The following CACNA1E variants were observed in gnomAD, a reference collection of about 807,000 sequenced individuals.
CACNA1E encodes calcium voltage-gated channel subunit alpha1 E, also known as voltage-dependent R-type calcium channel subunit alpha-1E.
CACNA1E carries 40 observed loss-of-function variants against 259.2 expected under a neutral mutation model. The observed-to-expected ratio is 0.15, with a 90% CI of 0.12 to 0.20. The LOEUF is 0.20. Ranked by LOEUF, CACNA1E falls within the 10% of genes least tolerant of loss-of-function variation. CACNA1E has a pLI of 1.00. For synonymous variants in CACNA1E, 1,104 were observed against 1,138.5 expected (o/e 0.97, Z 0.61); for missense variants, 1,874 against 3,040.1 (o/e 0.62, Z 9.02).
intron 1 of CACNA1E, among the ~76,000 whole-genome samples, chr1:181,393,723 G>C (rs1276315247): frequency 6.6e-6 from 1 of 152,220 alleles, no homozygotes; most frequent in Non-Finnish European, 1.5e-5. Flanking sequence ...CTCCCAAAGT[G>C]CTGGGATTAC....
intron 1 of CACNA1E, among the ~76,000 whole-genome samples, chr1:181,333,071 C>G (rs780547205): frequency 8.5e-5 from 13 of 152,144 alleles, no homozygotes; most frequent in Non-Finnish European, 1.6e-4. Context: ...CTAACTGGAT[C>G]TCTCTGAGGA....
At chr1:181,794,820 C>A (rs372366948) in intron 45 of CACNA1E, 44 bp from the exon 46 acceptor site, 44 of 1,546,826 alleles carry the variant, frequency 2.8e-5, no homozygotes, top group Admixed American at 2.7e-4. Flanking sequence ...TCTTTTCAAT[C>A]GTTAATCCAT....
chr1:181,569,428 T>C (rs1650183496), intron 3 of CACNA1E, among the ~76,000 whole-genome samples: 1 of 150,598 alleles, frequency 6.6e-6, no homozygotes, highest in Admixed American at 6.6e-5. Context: ...ATATATTTCC[T>C]TGGTCAAGTT....
chr1:181,548,543 G>A (rs976905569), intron 3 of CACNA1E, among the ~76,000 whole-genome samples: 5 of 152,180 alleles, frequency 3.3e-5, no homozygotes, highest in Non-Finnish European at 7.3e-5. Flanking sequence ...TGTATGGCCC[G>A]TAGGCTGCTT....
intron 7 of CACNA1E, among the ~76,000 whole-genome samples, chr1:181,652,519 T>G (rs1033425195): frequency 2.0e-5 from 3 of 152,066 alleles, no homozygotes; most frequent in African/African-American, 7.2e-5. Flanking sequence ...ATAGAAAAAA[T>G]TGGCAACAGA....
chr1:181,435,252 A>G (rs1031078725), intron 2 of CACNA1E, among the ~76,000 whole-genome samples: 1 of 152,226 alleles, frequency 6.6e-6, no homozygotes, highest in Non-Finnish European at 1.5e-5. Flanking sequence ...CTCTTTGCCT[A>G]TGCTCTGTGA....
intron 2 of CACNA1E, among the ~76,000 whole-genome samples, chr1:181,465,472 C>G (rs1000881728): frequency 1.3e-5 from 2 of 151,912 alleles, no homozygotes; most frequent in Non-Finnish European, 2.9e-5. Context: ...TATTTTGGGT[C>G]TCTTCATTCT....
intron 45 of CACNA1E, 138 bp downstream of exon 45, chr1:181,793,931 C>T (rs1215501928): frequency 1.6e-5 from 15 of 926,596 alleles, no homozygotes; most frequent in South Asian, 3.6e-5. Flanking sequence ...GCTCATGGGT[C>T]GTCTCTAATA....
At chr1:181,461,310 G>T (rs994058404) in intron 2 of CACNA1E, among the ~76,000 whole-genome samples, 1 of 152,086 alleles carries the variant, frequency 6.6e-6, no homozygotes, top group Non-Finnish European at 1.5e-5. Context: ...GGGAGGCCGA[G>T]GCGGGCGGAT....
At chr1:181,388,085 G>A (rs1004709488) in intron 1 of CACNA1E, among the ~76,000 whole-genome samples, 2 of 152,174 alleles carry the variant, frequency 1.3e-5, no homozygotes, top group Non-Finnish European at 2.9e-5. Flanking sequence ...CACCTTGGCC[G>A]ATAGACATTT....
At position 181,598,386 on chromosome 1, in the gene CACNA1E, G is replaced by A. The variant is rs571101072; in HGVS notation, c.951+17610G>A. Among the ~76,000 whole-genome samples the A allele has an allele frequency of 1.2e-3, 186 of 152,284 alleles. 2 individuals carry two copies. The highest frequency in any genetic ancestry group is 2.2e-3 in the Non-Finnish European group (149 of 68,022). ...AGGCAGTGGCGGTGTTCTCTCTGAG[G>A]TAGCCAAGAAAGGCTTCATAGAGAA... On this transcript the variant is annotated intron_variant, in intron 6 of 47. Coordinates refer to ENST00000367573, the MANE Select transcript of CACNA1E (RefSeq NM_001205293.3).
At chr1:181,586,812 G>A (rs1051699041) in intron 6 of CACNA1E, among the ~76,000 whole-genome samples, 3 of 152,224 alleles carry the variant, frequency 2.0e-5, no homozygotes, top group Non-Finnish European at 4.4e-5. Flanking sequence ...CAAGGAAGGT[G>A]AGGGCTAAGA....
At chr1:181,388,372 A>T (rs566364379) in intron 1 of CACNA1E, among the ~76,000 whole-genome samples, 3 of 152,344 alleles carry the variant, frequency 2.0e-5, no homozygotes, top group East Asian at 3.9e-4. Context: ...ATTCTGAGAA[A>T]GGCATCGCTA....
chr1:181,369,022 G>A (rs1654493697), intron 1 of CACNA1E, among the ~76,000 whole-genome samples: 1 of 152,198 alleles, frequency 6.6e-6, no homozygotes. Context: ...CAGGAGGATG[G>A]CTATGCTAGA....
rs1198467071 is a variant in CACNA1E at position 181,724,537 on chromosome 1, G to A, written c.2142G>A (p.Lys714=). 2.5e-6 allele frequency: 4 copies of A among 1,610,424 alleles called. No homozygotes were observed. Among genetic ancestry groups the A allele is most frequent in the Admixed American group, 3.3e-5 (2 of 59,768 alleles). ...DNLANAQELT[K]DEQEEEEAFN... ...TCGCCAACGCCCAGGAACTGACCAA[G>A]GTAAGCATTGTTTTCTGGGGATCTG... is the stretch of plus-strand genomic sequence containing the variant. Residue 714 remains lysine, a splice_region_variant and synonymous_variant, in exon 17 of 48, where the codon AAG becomes AAA. Coordinates refer to ENST00000367573, the MANE Select transcript of CACNA1E (RefSeq NM_001205293.3).
chr1:181,622,116 C>T (rs937451595), intron 6 of CACNA1E, among the ~76,000 whole-genome samples: 6 of 152,218 alleles, frequency 3.9e-5, no homozygotes, highest in African/African-American at 1.2e-4. Flanking sequence ...TCCACCAACT[C>T]TCCATGGCAC....
intron 6 of CACNA1E, among the ~76,000 whole-genome samples, chr1:181,626,582 C>T (rs1173242233): frequency 6.6e-6 from 1 of 152,112 alleles, no homozygotes; most frequent in Non-Finnish European, 1.5e-5. Flanking sequence ...ACATGGTTTA[C>T]TGGAGAAAGA....
chr1:181,472,741 T>G (rs532955883), intron 2 of CACNA1E, among the ~76,000 whole-genome samples: 1 of 152,348 alleles, frequency 6.6e-6, no homozygotes, highest in African/African-American at 2.4e-5. Flanking sequence ...GCGCGCGCAC[T>G]TGAGGTATTG....
At chr1:181,374,690 C>T (rs535672207) in intron 1 of CACNA1E, among the ~76,000 whole-genome samples, 31 of 152,090 alleles carry the variant, frequency 2.0e-4, no homozygotes, top group African/African-American at 5.1e-4. Flanking sequence ...TGGTCTTGAA[C>T]GCCTGAGCTC....
Sources: allele counts gnomAD v4.1 joint callset (sites outside exome capture counted in the v4.1 genomes callset), GRCh38; gene constraint gnomAD v4.1.1; transcripts MANE v1.5; gene names NCBI Gene and HGNC (gene_info 2026-07-23, HGNC 2026-07-21).